The following RAMP3 variants were observed in gnomAD, a reference collection of about 807,000 sequenced individuals.
The protein encoded by RAMP3 is receptor activity modifying protein 3.
Under a neutral mutation model 13.5 loss-of-function variants are expected in RAMP3, and 14 were observed. The observed-to-expected ratio is 1.04, with a 90% CI of 0.69 to 1.63. The LOEUF (loss-of-function observed/expected upper bound fraction) is 1.63. Among genes scored for constraint, RAMP3 ranks in the 40% most tolerant of loss-of-function variants. The pLI is 0.00. For missense variants in RAMP3, 200 were observed against 204.8 expected, an observed-to-expected ratio of 0.98 and a Z score of 0.14; for synonymous variants, 106 against 88.3, an observed-to-expected ratio of 1.20 and a Z score of -1.12.
intron 2 of RAMP3, among the ~76,000 whole-genome samples, chr7:45,177,933 G>A (rs1786227035): frequency 6.6e-6 from 1 of 152,094 alleles, no homozygotes; most frequent in Admixed American, 6.5e-5. Context: ...TGGCCTGGGG[G>A]TGCCCTGTCT....
chr7:45,181,016 A>T (rs553815155), intron 2 of RAMP3, among the ~76,000 whole-genome samples: 1 of 152,342 alleles, frequency 6.6e-6, no homozygotes, highest in South Asian at 2.1e-4. Context: ...CTCTGCCCCA[A>T]ACCTAACAGC....
Position 45,183,718 on chromosome 7 carries a change from C to T in RAMP3, c.*306C>T. ...TGCATCCTGTGCTCCGCAGGCTGGGCCGGAGCCTCTGCCCGCAGGTTTCTA... is the reference window on the plus strand; with the variant it reads ...TGCATCCTGTGCTCCGCAGGCTGGGTCGGAGCCTCTGCCCGCAGGTTTCTA... On this transcript the variant is annotated 3_prime_UTR_variant, in exon 3 of 3. Transcript: ENST00000242249. The T allele has an allele frequency of 1.7e-6, 1 of 574,922 alleles. No homozygotes were observed. Among genetic ancestry groups the T allele is most frequent in the Non-Finnish European group, 3.1e-6 (1 of 322,836 alleles). The allele number at this position is 574,922 out of a possible 1,614,324, so 35.6% of individuals were successfully genotyped here.
intron 2 of RAMP3, among the ~76,000 whole-genome samples, chr7:45,179,067 G>T (rs1418406761): frequency 3.3e-5 from 5 of 152,218 alleles, no homozygotes; most frequent in African/African-American, 1.2e-4. Context: ...GACACTGGAG[G>T]TGTATTCTTG....
rs756706221 is a variant in RAMP3 at position 45,157,812 on chromosome 7, G to A, written c.-17G>A. ...CCCCAGCGGGACCGAGCGTGACCCA[G>A]CTGCGGCCGGCCAGCCATGGAGACT... On this transcript the variant is annotated 5_prime_UTR_variant, in exon 1 of 3. Transcript: ENST00000242249. The A allele has an allele frequency of 1.1e-5, 14 of 1,224,452 alleles. No homozygotes were observed. Among genetic ancestry groups the A allele is most frequent in the Middle Eastern group, 2.7e-4 (1 of 3,732 alleles). The allele number at this position is 1,224,452 out of a possible 1,614,324, so 75.8% of individuals were successfully genotyped here. A position where few individuals can be genotyped will look rare whatever the true frequency, so the allele number is the denominator to read the frequency against.
At chr7:45,182,368 C>T (rs1295036343) in intron 2 of RAMP3, among the ~76,000 whole-genome samples, 1 of 152,132 alleles carries the variant, frequency 6.6e-6, no homozygotes, top group Non-Finnish European at 1.5e-5. Context: ...ACAGGGAGGT[C>T]ATCACCTCCA....
chr7:45,167,878 G>T (rs1786001563), intron 1 of RAMP3, among the ~76,000 whole-genome samples: 1 of 151,968 alleles, frequency 6.6e-6, no homozygotes, highest in Admixed American at 6.6e-5. Flanking sequence ...GAGCCACCTC[G>T]CCTGGCCAAC....
At chr7:45,177,840 A>T (rs1313623623) in intron 2 of RAMP3, among the ~76,000 whole-genome samples, 1 of 151,968 alleles carries the variant, frequency 6.6e-6, no homozygotes, top group Non-Finnish European at 1.5e-5. Context: ...CTCCTCTGTT[A>T]TTTAGGAATC....
chr7:45,176,084 C>T (rs564816702), intron 1 of RAMP3, among the ~76,000 whole-genome samples: 7 of 152,280 alleles, frequency 4.6e-5, no homozygotes, highest in South Asian at 2.1e-4. Context: ...ATGAATGATA[C>T]GTTCCTGGAG....
rs1291806764 is a variant in RAMP3 at position 45,184,238 on chromosome 7, C to G, written c.*826C>G. On this transcript the variant is annotated 3_prime_UTR_variant, in exon 3 of 3. Coordinates refer to ENST00000242249, the MANE Select transcript of RAMP3 (RefSeq NM_005856.3). ...CTGTGTTTTATCTGAGTAAAGTTAC[C>G]TTACTTCTGGAATTTCCTGTTTTGT... 2.5e-6 allele frequency: 1 copy of G among 398,174 alleles called. No homozygotes were observed. Among genetic ancestry groups the G allele is most frequent in the East Asian group, 3.6e-5 (1 of 28,088 alleles). 24.7% of individuals were successfully genotyped at this position (398,174 alleles called of 1,614,324 possible).
At chr7:45,174,267 G>A (rs533108330) in intron 1 of RAMP3, among the ~76,000 whole-genome samples, 78 of 152,236 alleles carry the variant, frequency 5.1e-4, no homozygotes, top group Non-Finnish European at 6.6e-4. Flanking sequence ...TGCCCTTGGG[G>A]TCTGCTGTGA....
intron 1 of RAMP3, among the ~76,000 whole-genome samples, chr7:45,173,302 C>T (rs1786115632): frequency 6.6e-6 from 1 of 152,198 alleles, no homozygotes; most frequent in East Asian, 1.9e-4. Flanking sequence ...GTCCGCTTAT[C>T]TTCTCTACAA....
At chr7:45,162,460 TG>T (rs1047853127) in intron 1 of RAMP3, among the ~76,000 whole-genome samples, 1 of 151,540 alleles carries the variant, frequency 6.6e-6, no homozygotes, top group African/African-American at 2.4e-5. Flanking sequence ...AGACCAAGGG[TG>T]GGAATTGGAG....
At chr7:45,171,802 G>A (rs1786089090) in intron 1 of RAMP3, among the ~76,000 whole-genome samples, 1 of 152,144 alleles carries the variant, frequency 6.6e-6, no homozygotes, top group African/African-American at 2.4e-5. Context: ...CTCAGGCATG[G>A]ACTTCTGTTC....
chr7:45,177,401 G>A lies in RAMP3; in HGVS notation c.151G>A (p.Val51Met), dbSNP rs1203787329. Reference protein sequence around the residue: ...GKAFADMMGKVDVWKWCNLSE... With the variant: ...GKAFADMMGKMDVWKWCNLSE... ...GGCTTTCGCAGACATGATGGGCAAG[G>A]TGGACGTCTGGAAGTGGTGCAACCT... The change falls in exon 2 of 3, where the codon GTG becomes ATG. Residue 51 changes from valine (V) to methionine (M), a missense_variant. By Grantham distance (21) the Val-to-Met change is conservative. Coordinates refer to ENST00000242249, the MANE Select transcript of RAMP3 (RefSeq NM_005856.3). The A allele has an allele frequency of 5.0e-6, 8 of 1,614,142 alleles. No individual in the cohort carries two copies. Among genetic ancestry groups the A allele is most frequent in the Non-Finnish European group, 5.9e-6 (7 of 1,179,992 alleles).
intron 2 of RAMP3, 92 bp downstream of exon 2, chr7:45,177,533 C>A: frequency 6.4e-7 from 1 of 1,564,054 alleles, no homozygotes; most frequent in South Asian, 1.2e-5. Context: ...CGCACTCTAC[C>A]CAAGGCCTCA....
intron 1 of RAMP3, among the ~76,000 whole-genome samples, chr7:45,171,858 C>T (rs1052622877): frequency 2.0e-5 from 3 of 152,262 alleles, no homozygotes; most frequent in Admixed American, 6.5e-5. Flanking sequence ...ATGGAAATAT[C>T]TGTCTCTTCT....
chr7:45,161,623 A>G (rs1015347936), intron 1 of RAMP3, among the ~76,000 whole-genome samples: 4 of 151,098 alleles, frequency 2.6e-5, no homozygotes, highest in Non-Finnish European at 5.9e-5. Flanking sequence ...GAGGAGAGGA[A>G]ACAGGGGAGG....
intron 1 of RAMP3, among the ~76,000 whole-genome samples, chr7:45,159,550 T>A (rs1404132658): frequency 1.3e-5 from 2 of 152,202 alleles, no homozygotes; most frequent in Non-Finnish European, 2.9e-5. Context: ...AGTTGTCTAC[T>A]CAGCAGGACA....
chr7:45,177,348 T>G lies in RAMP3; in HGVS notation c.98T>G (p.Met33Arg), dbSNP rs199822789. ...GCAGGCGGCTGCAACGAGACAGGCA[T>G]GTTGGAGAGGCTGCCCCTGTGTGGG... Reference protein sequence around the residue: ...PRAGGCNETGMLERLPLCGKA... With the variant: ...PRAGGCNETGRLERLPLCGKA... The change falls in exon 2 of 3, where the codon ATG (methionine) becomes AGG (arginine). Residue 33 changes from methionine (M) to arginine (R), a missense_variant. Physicochemically the swap from Met to Arg is moderately conservative, Grantham distance 91. Coordinates refer to ENST00000242249, the MANE Select transcript of RAMP3 (RefSeq NM_005856.3). 1.6e-5 allele frequency: 26 copies of G among 1,613,998 alleles called. No individual in the cohort carries two copies. The highest frequency in any genetic ancestry group is 2.2e-5 in the Non-Finnish European group (26 of 1,179,988).
Sources: gnomAD v4.1 joint callset for allele counts (sites outside exome capture counted in the v4.1 genomes callset) on GRCh38, gnomAD v4.1.1 for gene constraint, MANE v1.5 for transcripts, NCBI Gene and HGNC (gene_info 2026-07-23, HGNC 2026-07-21) for gene names.